SZT2: variants seen among roughly 807,000 people sequenced by gnomAD.
SZT2 encodes the protein SZT2 subunit of KICSTOR complex, also known as KICSTOR complex protein SZT2.
SZT2 carries 216 observed loss-of-function variants against 404.2 expected under a neutral mutation model. The ratio of observed to expected loss-of-function variants is 0.53; its 90% confidence interval spans 0.48 to 0.60. SZT2 has a LOEUF of 0.60. Ranked by LOEUF, SZT2 falls within the 20% of genes least tolerant of loss-of-function variation. The pLI, the probability that SZT2 is intolerant of heterozygous loss-of-function variation, is 0.00. For missense variants in SZT2, 3,857 were observed against 4,459.2 expected (o/e 0.86, Z 3.85); for synonymous variants, 1,693 against 1,749.9 (o/e 0.97, Z 0.81).
At chr1:43,416,453 C>A in intron 6 of SZT2, 82 bp from the exon 7 acceptor site, 1 of 1,174,400 alleles carries the variant, frequency 8.5e-7, no homozygotes, top group Non-Finnish European at 1.2e-6. Context: ...CTGAGCCGTT[C>A]AGGACCCTGT....
intron 41 of SZT2, among the ~76,000 whole-genome samples, chr1:43,434,925 C>A (rs980718724): frequency 1.4e-4 from 21 of 152,250 alleles, no homozygotes; most frequent in Non-Finnish European, 7.3e-5. Context: ...ATCTGACCAT[C>A]TGAAGTATCA....
intron 4 of SZT2, chr1:43,410,481 G>C (rs1650886292): frequency 6.7e-6 from 1 of 150,038 alleles, no homozygotes; most frequent in Non-Finnish European, 1.5e-5. Context: ...CTTGAACCCG[G>C]GCAGCAGAGG....
chr1:43,443,588 C>T lies in SZT2; in HGVS notation c.8626-9C>T. 1 of 1,614,076 alleles carries T rather than the reference C, an allele frequency of 6.2e-7. No individual in the cohort carries two copies. Among genetic ancestry groups the T allele is most frequent in the Non-Finnish European group, 8.5e-7 (1 of 1,180,022 alleles). On this transcript the variant is annotated splice_polypyrimidine_tract_variant and intron_variant, in intron 61 of 71. Transcript: ENST00000634258. ...TGGGGAGAGTCTTCCTTGATCTTTA[C>T]TCTCATAGCGGCGCCATCGCCCTGA...
chr1:43,440,165 A>G (rs531539105), intron 51 of SZT2, 117 bp downstream of exon 51: 2 of 1,378,964 alleles, frequency 1.5e-6, no homozygotes, highest in East Asian at 2.3e-5. Context: ...GAACTACTAC[A>G]TCAGAACCAC....
chr1:43,433,476 G>T lies in SZT2; in HGVS notation c.5804+286G>T, dbSNP rs12080203. Among the ~76,000 whole-genome samples the T allele has an allele frequency of 3.0e-3, 461 of 152,294 alleles. 2 individuals are homozygous for T. Among genetic ancestry groups the T allele is most frequent in the African/African-American group, 0.01 (430 of 41,564 alleles). On this transcript the variant is annotated intron_variant, in intron 40 of 71. Coordinates refer to ENST00000634258, the MANE Select transcript of SZT2 (RefSeq NM_001365999.1). ...AGGATCAGAGCAGCTTTAGAAGTTC[G>T]TGTATAAAAATAAAGCATAATAAGG...
Position 43,447,869 on chromosome 1 carries a change from C to T in SZT2, c.9461C>T (p.Ser3154Phe). 1 of 1,614,116 alleles carries T rather than the reference C, an allele frequency of 6.2e-7. No individual in the cohort carries two copies. Among genetic ancestry groups the T allele is most frequent in the Non-Finnish European group, 8.5e-7 (1 of 1,180,020 alleles). The change falls in exon 68 of 72, where the codon TCT becomes TTT. Residue 3154 changes from serine (S) to phenylalanine (F), a missense_variant. Around this residue, in one of 7 missense-constraint regions of SZT2, gnomAD observed 717 missense variants for 868.2 expected, o/e 0.83. Transcript: ENST00000634258. ...AWHSSGSYLD[S>F]EGLRHQDDFD... Reference sequence around the variant, plus strand: ...CACAGTTCTGGCTCCTACCTGGACTCTGAGGGACTTCGACACCAGGATGAC... The same window carrying T: ...CACAGTTCTGGCTCCTACCTGGACTTTGAGGGACTTCGACACCAGGATGAC...
Position 43,425,969 on chromosome 1 carries a change from C to T in SZT2, c.2929+20C>T. On this transcript the variant is annotated intron_variant, in intron 20 of 71. Coordinates refer to ENST00000634258, the MANE Select transcript of SZT2 (RefSeq NM_001365999.1). This position sits in a 1 kb window ranked among gnomAD's most constrained non-coding sequence, Gnocchi z 4.3. ...CTGATGGTGAGTGGGGCAGGCGGCCCACTGGTGGAGCAGGGGAGTGGGTAG... is the reference window on the plus strand; with the variant it reads ...CTGATGGTGAGTGGGGCAGGCGGCCTACTGGTGGAGCAGGGGAGTGGGTAG... The T allele has an allele frequency of 6.2e-7, 1 of 1,613,294 alleles. No homozygotes were observed. Among genetic ancestry groups the T allele is most frequent in the South Asian group, 1.1e-5 (1 of 91,060 alleles).
rs991181080 is a variant in SZT2, at chr1:43,419,725, T to G, written c.880-9T>G. The G allele has an allele frequency of 6.3e-7, 1 of 1,594,548 alleles. No homozygotes were observed. The highest frequency in any genetic ancestry group is 8.5e-7 in the Non-Finnish European group (1 of 1,177,292). On this transcript the variant is annotated splice_polypyrimidine_tract_variant and intron_variant, in intron 7 of 71. Transcript: ENST00000634258. ...CAGAGCTAGGTCTTCAGTTGCTCAC[T>G]TTTTCCAGGTGGGAGGAGTTTACTC... is the stretch of plus-strand genomic sequence containing the variant.
rs1300224279 is a variant in SZT2, at chr1:43,439,125, T to G, written c.6792+32T>G. 16 of 1,613,252 alleles carry G rather than the reference T, an allele frequency of 9.9e-6. No individual in the cohort carries two copies. The highest frequency in any genetic ancestry group is 1.2e-5 in the Non-Finnish European group (14 of 1,179,580). The stretch of plus-strand genomic sequence containing the variant: ...TGGCACTCATCTCTCTCCACACTCA[T>G]GTGCACCCCTGCCCCCTGCCCCACG... On this transcript the variant is annotated intron_variant, in intron 48 of 71. Coordinates refer to ENST00000634258, the MANE Select transcript of SZT2 (RefSeq NM_001365999.1). This position sits in a 1 kb window ranked among gnomAD's most constrained non-coding sequence, Gnocchi z 4.2.
Position 43,442,306 on chromosome 1 carries a change from G to C in SZT2, c.7912G>C (p.Gly2638Arg), listed in dbSNP as rs1196193834. ...GCAGCGCTTCGAGCCAGGAGGTGAT[G>C]GGAGCTCAGGGCGAAATGCTCCCCG... ...AMQRFEPGGD[G>R]SSGRNAPRQR... is the part of the protein sequence containing the mutation. The change falls in exon 57 of 72, where the codon GGG becomes CGG. Residue 2638 changes from glycine to arginine, a missense_variant. This residue lies in a region of SZT2 where 573 missense variants were observed against 592.4 expected (regional missense o/e 0.97). Transcript: ENST00000634258. The surrounding 1 kb of genome is among the most constrained non-coding windows in gnomAD (Gnocchi z 4.5). The C allele has an allele frequency of 1.2e-6, 2 of 1,614,110 alleles. No homozygotes were observed. Among genetic ancestry groups the C allele is most frequent in the Non-Finnish European group, 8.5e-7 (1 of 1,180,008 alleles).
chr1:43,402,872 T>C (rs1330144164), intron 1 of SZT2, among the ~76,000 whole-genome samples: 9 of 152,156 alleles, frequency 5.9e-5, no homozygotes, highest in Non-Finnish European at 1.0e-4. Flanking sequence ...AAAAGTAGAA[T>C]CAGACACAGC....
In SZT2 at chr1:43,428,251, A is replaced by G. The variant is rs1338252908; in HGVS notation, c.3931A>G (p.Ser1311Gly). 4 of 1,614,098 alleles carry G rather than the reference A, an allele frequency of 2.5e-6. No individual in the cohort carries two copies. Among genetic ancestry groups the G allele is most frequent in the South Asian group, 1.1e-5 (1 of 91,088 alleles). Residue 1311 changes from serine (S) to glycine (G), a missense_variant, in exon 28 of 72, where the codon AGC becomes GGC. By Grantham distance (56) the Ser-to-Gly change is moderately conservative. Coordinates refer to ENST00000634258, the MANE Select transcript of SZT2 (RefSeq NM_001365999.1). ...QRCYVRGLFRSLQQAQSVTSQ... is the reference protein window; with the variant it reads ...QRCYVRGLFRGLQQAQSVTSQ... ...TCCACTTCCATCAGGGCTATTCCGC[A>G]GCTTGCAGCAAGCACAGAGTGTGAC...
rs752186128 is a variant in SZT2, at chr1:43,442,812, C to G, written c.8152-7C>G. On this transcript the variant is annotated splice_region_variant and splice_polypyrimidine_tract_variant and intron_variant, in intron 58 of 71. Transcript: ENST00000634258. The surrounding 1 kb of genome is among the most constrained non-coding windows in gnomAD (Gnocchi z 4.5). ...CTATGAACCCATTGCAATGCTCCATCTCTCAGGAGCCAAACCCATTCCTGC... is the reference window on the plus strand; with the variant it reads ...CTATGAACCCATTGCAATGCTCCATGTCTCAGGAGCCAAACCCATTCCTGC... The G allele has an allele frequency of 3.1e-6, 5 of 1,591,240 alleles. No homozygotes were observed. The East Asian group carries it at 8.9e-5, about 28-fold the overall frequency.
chr1:43,399,791 A>G (rs1050596254), intron 1 of SZT2, among the ~76,000 whole-genome samples: 2 of 150,506 alleles, frequency 1.3e-5, no homozygotes, highest in Non-Finnish European at 2.9e-5. Context: ...ATGCAGATAT[A>G]ATGTTACTGT....
rs1429923304 is a variant in SZT2, at chr1:43,404,510, T to TTA, written c.458_459insTA (p.Gln154ThrfsTer74). The TTA allele has an allele frequency of 6.2e-7, 1 of 1,613,806 alleles. No homozygotes were observed. On this transcript the variant is annotated frameshift_variant, in exon 4 of 72. Transcript: ENST00000634258. LOFTEE classifies it high-confidence loss of function. Reference sequence around the variant, plus strand: ...TTCCAGCCTGAGATCTATGTAACTATCCAGGCCTACTCCTCCATCATTGGA... The same window carrying TTA: ...TTCCAGCCTGAGATCTATGTAACTATTACCAGGCCTACTCCTCCATCATTGGA...
chr1:43,453,844 C>CGGCGGGCGGCGGGCGGCG lies in SZT2; in HGVS notation c.*3371_*3388dup, dbSNP rs1656749347. The CGGCGGGCGGCGGGCGGCG allele has an allele frequency of 8.8e-7, 1 of 1,134,792 alleles. No homozygotes were observed. Among genetic ancestry groups the CGGCGGGCGGCGGGCGGCG allele is most frequent in the African/African-American group, 1.6e-5 (1 of 61,290 alleles). The allele number at this position is 1,134,792 out of a possible 1,614,324, so 70.3% of individuals were successfully genotyped here. A position where few individuals can be genotyped will look rare whatever the true frequency, so the allele number is the denominator to read the frequency against. ...GTCCGCGGGATCCAAAGGCGGCGGG[C>CGGCGGGCGGCGGGCGGCG]GGCGGGCGGCGGGCGGCGGGCGGGG... is the stretch of plus-strand genomic sequence containing the variant. On this transcript the variant is annotated 3_prime_UTR_variant, in exon 72 of 72. Transcript: ENST00000634258.
chr1:43,395,544 G>A (rs918930575), intron 1 of SZT2, among the ~76,000 whole-genome samples: 3 of 152,098 alleles, frequency 2.0e-5, no homozygotes, highest in South Asian at 2.1e-4. Context: ...CAAGTAATCC[G>A]CCCACTTTGG....
Position 43,453,475 on chromosome 1 carries a change from C to A in SZT2, c.*2995C>A, listed in dbSNP as rs1428608586. 1 of 1,560,692 alleles carries A rather than the reference C, an allele frequency of 6.4e-7. No homozygotes were observed. The highest frequency in any genetic ancestry group is 2.4e-5 in the East Asian group (1 of 41,312). ...GTCTCCCGGGGACGGCCCCCAGCCC[C>A]ATTTCCCCCTTCTCTTGGTCTCCTG... On this transcript the variant is annotated 3_prime_UTR_variant, in exon 72 of 72. Coordinates refer to ENST00000634258, the MANE Select transcript of SZT2 (RefSeq NM_001365999.1).
rs1652987155 is a variant in SZT2 at position 43,425,176 on chromosome 1, T to C, written c.2614T>C (p.Phe872Leu). ...CACCTGTGTTGTCCAGTACATCCTC[T>C]TCCCCCCACACTCTACCTCCACCAA... is the stretch of plus-strand genomic sequence containing the variant. Reference protein sequence around the residue: ...KHTCVVQYILFPPHSTSTKDS... With the variant: ...KHTCVVQYILLPPHSTSTKDS... Residue 872 changes from phenylalanine to leucine, a missense_variant, in exon 18 of 72, where the codon TTC becomes CTC. Physicochemically the swap from Phe to Leu is conservative, Grantham distance 22 (BLOSUM62 0). Transcript: ENST00000634258. The surrounding 1 kb of genome is among the most constrained non-coding windows in gnomAD (Gnocchi z 4.3). The C allele has an allele frequency of 1.2e-6, 2 of 1,614,152 alleles. No individual in the cohort carries two copies. The highest frequency in any genetic ancestry group is 1.3e-5 in the African/African-American group (1 of 75,036).
Sources: gnomAD v4.1 joint callset for allele counts (sites outside exome capture counted in the v4.1 genomes callset) on GRCh38, gnomAD v4.1.1 for gene constraint, gnomAD v4.1.1 regional missense constraint, Gnocchi (gnomAD v3.1) non-coding constraint, MANE v1.5 for transcripts, NCBI Gene and HGNC (gene_info 2026-07-23, HGNC 2026-07-21) for gene names.